The following FAM20C variants were observed in gnomAD, a reference collection of about 807,000 sequenced individuals.
FAM20C encodes FAM20C golgi associated secretory pathway kinase, also known as extracellular serine/threonine protein kinase FAM20C.
FAM20C carries 40 observed loss-of-function variants against 51.5 expected under a neutral mutation model. The observed-to-expected ratio is 0.78, with a 90% CI of 0.60 to 1.01. The LOEUF (loss-of-function observed/expected upper bound fraction) is 1.01. FAM20C is among the 50% of genes least tolerant of loss of function. The probability of loss-of-function intolerance (pLI) is 0.00; values close to 1 mark genes in which losing one functional copy is unlikely to be tolerated. For synonymous variants in FAM20C, 406 were observed against 380.6 expected (o/e 1.07, Z -0.78); for missense variants, 861 against 844.7 (o/e 1.02, Z -0.24).
chr7:200,916 C>T (rs75589285), intron 2 of FAM20C, among the ~76,000 whole-genome samples: 2,337 of 152,290 alleles, frequency 0.015, 23 homozygotes, highest in Middle Eastern at 0.034. Flanking sequence ...TGATGCCAGC[C>T]CCAGGGTGCC....
rs139633939 is a variant in FAM20C at position 246,573 on chromosome 7, G to C, written c.956+66G>C. On this transcript the variant is annotated intron_variant, in intron 4 of 9. Coordinates refer to ENST00000313766, the MANE Select transcript of FAM20C (RefSeq NM_020223.4). ...CTCAGACCCACCGGTGAGTGAGGCC[G>C]TCCTGCACTGGACACAGCAGGACGT... The C allele has an allele frequency of 6.6e-3, 2,748 of 416,992 alleles. 85 individuals carry two copies. In the African/African-American group the frequency reaches 0.17, roughly 26 times the overall value. The allele number at this position is 416,992 out of a possible 1,614,324, so 25.8% of individuals were successfully genotyped here. A position where few individuals can be genotyped will look rare whatever the true frequency, so the allele number is the denominator to read the frequency against.
At chr7:203,468 G>T (rs1335606669) in intron 2 of FAM20C, among the ~76,000 whole-genome samples, 5 of 152,240 alleles carry the variant, frequency 3.3e-5, no homozygotes, top group Non-Finnish European at 7.3e-5. Flanking sequence ...AGTGACAGGA[G>T]GGTGGGCGTC....
At chr7:211,843 C>T (rs796992592) in intron 3 of FAM20C, among the ~76,000 whole-genome samples, 113 of 152,348 alleles carry the variant, frequency 7.4e-4, no homozygotes, top group African/African-American at 2.6e-3. Flanking sequence ...CCACAGGGCA[C>T]GTGGCGGGCG....
rs143425567 is a variant in FAM20C at position 256,509 on chromosome 7, A to C, written c.1254-145A>C. 0.1 allele frequency: 67,597 copies of C among 678,756 alleles called. 3,719 individuals carry two copies. Among genetic ancestry groups the C allele is most frequent in the South Asian group, 0.14 (7,929 of 56,486 alleles). 42.0% of individuals were successfully genotyped at this position (678,756 alleles called of 1,614,324 possible). A position where few individuals can be genotyped will look rare whatever the true frequency, so the allele number is the denominator to read the frequency against. On this transcript the variant is annotated intron_variant, in intron 6 of 9. Transcript: ENST00000313766. ...CCCTCCCACACCCGTGCTCCCGCTA[A>C]TGCAGCCTCAGCGCCGCAGCCCGGG...
chr7:206,040 A>G, intron 2 of FAM20C, among the ~76,000 whole-genome samples: 1 of 151,906 alleles, frequency 6.6e-6, no homozygotes, highest in East Asian at 1.9e-4. Context: ...CCACGCCCTC[A>G]GCACACGCGC....
chr7:260,207 A>C lies in FAM20C; in HGVS notation c.*227A>C, dbSNP rs1788825864. ...AAGCGCTGTCTGTGCTCACGGACAG[A>C]GGCGGCCGGCGCCGGAGGCATTCCA... On this transcript the variant is annotated 3_prime_UTR_variant, in exon 10 of 10. Coordinates refer to ENST00000313766, the MANE Select transcript of FAM20C (RefSeq NM_020223.4). 3.7e-6 allele frequency: 2 copies of C among 543,258 alleles called. No homozygotes were observed. Among genetic ancestry groups the C allele is most frequent in the Non-Finnish European group, 6.0e-6 (2 of 332,822 alleles). 33.7% of individuals were successfully genotyped at this position (543,258 alleles called of 1,614,324 possible).
At chr7:258,214 C>T (rs1293588496) in intron 8 of FAM20C, among the ~76,000 whole-genome samples, 2 of 143,384 alleles carry the variant, frequency 1.4e-5, no homozygotes, top group African/African-American at 5.7e-5. Context: ...GACCCACTGA[C>T]TGGGGTGCTG....
intron 8 of FAM20C, 72 bp from the exon 9 acceptor site, chr7:258,574 C>A (rs961874320): frequency 2.7e-6 from 4 of 1,478,034 alleles, no homozygotes; most frequent in Non-Finnish European, 3.7e-6. Context: ...ACCCATGGCC[C>A]AGCTCCCAGC....
intron 3 of FAM20C, among the ~76,000 whole-genome samples, chr7:236,302 G>T (rs989122551): frequency 6.6e-6 from 1 of 152,220 alleles, no homozygotes. Context: ...CCTTGCAGGT[G>T]CAGGGAGAAA....
At chr7:210,313 C>T (rs139758550) in intron 3 of FAM20C, among the ~76,000 whole-genome samples, 1 of 152,262 alleles carries the variant, frequency 6.6e-6, no homozygotes, top group Non-Finnish European at 1.5e-5. Context: ...GGCCTCTGCC[C>T]CGGTTGAGGA....
intron 3 of FAM20C, among the ~76,000 whole-genome samples, chr7:223,918 C>T (rs369400837): frequency 6.6e-6 from 1 of 152,184 alleles, no homozygotes; most frequent in African/African-American, 2.4e-5. Context: ...ATGGGTGCTG[C>T]CCCTGAGGGG....
intron 8 of FAM20C, chr7:257,422 C>T (rs1049369044): frequency 1.6e-5 from 4 of 252,930 alleles, no homozygotes; most frequent in Non-Finnish European, 3.0e-5. Context: ...CACGCGGTAC[C>T]TGGAGCCAGC....
At chr7:248,264 G>A (rs1268386837) in intron 4 of FAM20C, 51 bp from the exon 5 acceptor site, 2 of 1,341,234 alleles carry the variant, frequency 1.5e-6, no homozygotes, top group Non-Finnish European at 2.0e-6. Flanking sequence ...GGACACAGAG[G>A]CCCGCTGAGC....
rs1786041331 is a variant in FAM20C at position 199,699 on chromosome 7, C to G, written c.784+3967C>G. The stretch of plus-strand genomic sequence containing the variant: ...AGGGCCAGCGGAGGTTTATTTATAG[C>G]TGGGCTCCTGGCTGCCTGGTAACCG... On this transcript the variant is annotated intron_variant, in intron 2 of 9. Transcript: ENST00000313766. Among the ~76,000 whole-genome samples the G allele has an allele frequency of 2.6e-5, 4 of 152,192 alleles. No individual in the cohort carries two copies. The South Asian group carries it at 8.3e-4, about 31-fold the overall frequency.
chr7:205,562 G>A (rs1418683203), intron 2 of FAM20C, among the ~76,000 whole-genome samples: 2 of 152,152 alleles, frequency 1.3e-5, no homozygotes, highest in South Asian at 2.1e-4. Flanking sequence ...TTAACAGGAG[G>A]GGAGGGGCGG....
At chr7:195,426 C>T (rs900312646) in intron 1 of FAM20C, 128 bp from the exon 2 acceptor site, 28 of 849,856 alleles carry the variant, frequency 3.3e-5, no homozygotes, top group Admixed American at 1.2e-4. Context: ...TAAGCAGAGG[C>T]GCCTTCAACA....
At chr7:224,241 C>T (rs57781526) in intron 3 of FAM20C, among the ~76,000 whole-genome samples, 2,216 of 86,204 alleles carry the variant, frequency 0.026, 92 homozygotes, top group East Asian at 0.082. Context: ...CGGAGCAGAA[C>T]GGCACTGTCA....
At chr7:244,522 T>G (rs536538266) in intron 3 of FAM20C, among the ~76,000 whole-genome samples, 120 of 152,344 alleles carry the variant, frequency 7.9e-4, no homozygotes, top group Non-Finnish European at 1.2e-3. Context: ...CTCTTGAACC[T>G]CAGGATCCCG....
intron 5 of FAM20C, among the ~76,000 whole-genome samples, chr7:255,624 G>A (rs1788560383): frequency 6.6e-6 from 1 of 152,178 alleles, no homozygotes; most frequent in African/African-American, 2.4e-5. Flanking sequence ...GTTCAGGCCG[G>A]GCTCTGCCTC....
Sources: allele counts gnomAD v4.1 joint callset (sites outside exome capture counted in the v4.1 genomes callset), GRCh38; gene constraint gnomAD v4.1.1; transcripts MANE v1.5; gene names NCBI Gene and HGNC (gene_info 2026-07-23, HGNC 2026-07-21).